Variants in SYN2 observed in about 807,000 individuals in gnomAD.
SYN2 encodes synapsin II, also known as synapsin-2.
A neutral mutation model predicts 50.9 loss-of-function variants in SYN2; 19 were observed. The observed-to-expected ratio is 0.37, with a 90% CI of 0.26 to 0.55. The LOEUF is 0.55. SYN2 is among the 20% of genes least tolerant of loss of function. SYN2 has a pLI of 0.81. For synonymous variants in SYN2, 255 were observed against 224.9 expected (o/e 1.13, Z -1.20); for missense variants, 587 against 576.4 (o/e 1.02, Z -0.19).
intron 1 of SYN2, among the ~76,000 whole-genome samples, chr3:12,006,624 CTGTTTG>C (rs2125128062): frequency 6.6e-6 from 1 of 152,302 alleles, no homozygotes; most frequent in Non-Finnish European, 1.5e-5. Flanking sequence ...GAACTTAGGC[CTGTTTG>C]ACTCCACTGC....
chr3:12,176,414 T>G (rs1235994872), intron 10 of SYN2, among the ~76,000 whole-genome samples: 1 of 152,254 alleles, frequency 6.6e-6, no homozygotes, highest in Admixed American at 6.5e-5. Flanking sequence ...TTTCAGACAC[T>G]GACGGGCTGA....
chr3:12,083,131 C>T (rs1695616262), intron 1 of SYN2, among the ~76,000 whole-genome samples: 1 of 152,172 alleles, frequency 6.6e-6, no homozygotes, highest in Admixed American at 6.5e-5. Flanking sequence ...CCTGCCTCAG[C>T]CTCCTGAGTA....
intron 1 of SYN2, among the ~76,000 whole-genome samples, chr3:12,005,355 G>A (rs894183105): frequency 3.3e-5 from 5 of 152,078 alleles, no homozygotes; most frequent in African/African-American, 1.2e-4. Flanking sequence ...AGCACGGAGT[G>A]AATTTGGAAT....
rs773944004 is a variant in SYN2 at position 12,145,829 on chromosome 3, A to G, written c.678A>G (p.Pro226=). Residue 226 remains proline (P), a synonymous_variant, in exon 4 of 13, where the codon CCA becomes CCG. Transcript: ENST00000621198. ...LESIYNFCDK[P]WVFAQLVAIY... ...CCATATACAACTTCTGTGACAAGCCATGGGTGGTGAGTGAGGCCCCCTTCC... is the reference window on the plus strand; with the variant it reads ...CCATATACAACTTCTGTGACAAGCCGTGGGTGGTGAGTGAGGCCCCCTTCC... 2.5e-5 allele frequency: 41 copies of G among 1,613,772 alleles called. No homozygotes were observed. Among genetic ancestry groups the G allele is most frequent in the South Asian group, 4.4e-5 (4 of 91,080 alleles).
At chr3:12,145,201 A>C (rs1016786070) in intron 3 of SYN2, among the ~76,000 whole-genome samples, 1 of 152,218 alleles carries the variant, frequency 6.6e-6, no homozygotes, top group African/African-American at 2.4e-5. Context: ...TAGGAGTTTG[A>C]GATCAGCCTG....
chr3:12,174,043 C>T (rs1185257289), intron 10 of SYN2, among the ~76,000 whole-genome samples: 1 of 152,162 alleles, frequency 6.6e-6, no homozygotes, highest in Non-Finnish European at 1.5e-5. Flanking sequence ...TGAGGCCCCC[C>T]CGCCCATCGC....
At chr3:12,189,080 CAG>C (rs1018764938) in intron 12 of SYN2, among the ~76,000 whole-genome samples, 14 of 152,288 alleles carry the variant, frequency 9.2e-5, no homozygotes, top group African/African-American at 3.1e-4. Flanking sequence ...TCACTGCAGG[CAG>C]AGAGAGACTG....
intron 1 of SYN2, among the ~76,000 whole-genome samples, chr3:12,060,130 G>T (rs1695082485): frequency 6.6e-6 from 1 of 152,162 alleles, no homozygotes; most frequent in Non-Finnish European, 1.5e-5. Flanking sequence ...ACACTTCAAT[G>T]GTAATTTTGA....
At chr3:12,062,466 C>T (rs535544752) in intron 1 of SYN2, among the ~76,000 whole-genome samples, 1 of 151,826 alleles carries the variant, frequency 6.6e-6, no homozygotes, top group East Asian at 1.9e-4. Context: ...AGATACAGCA[C>T]CAAAAACATA....
intron 1 of SYN2, among the ~76,000 whole-genome samples, chr3:12,076,705 A>C (rs1048436867): frequency 5.3e-5 from 8 of 152,112 alleles, no homozygotes; most frequent in East Asian, 1.9e-4. Flanking sequence ...CACCAAAGCT[A>C]AGAAAGGTTA....
intron 5 of SYN2, chr3:12,159,185 C>CAA (rs1697565699): frequency 3.4e-6 from 1 of 294,946 alleles, no homozygotes; most frequent in African/African-American, 2.2e-5. Flanking sequence ...GCCACAAAGA[C>CAA]AAATGCATGA....
In SYN2 at chr3:12,173,560, C is replaced by G. The variant is rs61389214; in HGVS notation, c.1308+3654C>G. 9.9e-5 allele frequency among the ~76,000 whole-genome samples: 15 copies of G among 152,264 alleles called. 1 individual carries two copies. The East Asian group carries it at 2.7e-3, about 27-fold the overall frequency. On this transcript the variant is annotated intron_variant, in intron 10 of 12. Coordinates refer to ENST00000621198, the MANE Select transcript of SYN2 (RefSeq NM_133625.6). ...CCGTCTCCCTTTTACCACATTTTCT[C>G]TCCTATCCTCTCTAGTCAGCATCCC...
chr3:12,183,988 A>C (rs531660178), intron 11 of SYN2: 9 of 986,242 alleles, frequency 9.1e-6, no homozygotes, highest in Non-Finnish European at 1.1e-5. Context: ...TTCAAGATCA[A>C]ACTTCCATAG....
At chr3:12,178,608 C>T (rs1030604133) in intron 10 of SYN2, among the ~76,000 whole-genome samples, 7 of 152,330 alleles carry the variant, frequency 4.6e-5, no homozygotes, top group African/African-American at 1.7e-4. Flanking sequence ...ATTCCCTGCA[C>T]ATGAAACTGC....
intron 1 of SYN2, among the ~76,000 whole-genome samples, chr3:12,073,690 T>G (rs1330335049): frequency 6.6e-6 from 1 of 152,204 alleles, no homozygotes; most frequent in Non-Finnish European, 1.5e-5. Context: ...TTTTTGCTAT[T>G]GGTTTGTAAT....
chr3:12,038,193 G>T (rs1694541161), intron 1 of SYN2, among the ~76,000 whole-genome samples: 1 of 151,982 alleles, frequency 6.6e-6, no homozygotes, highest in South Asian at 2.1e-4. Context: ...TGACACCCTT[G>T]TCAAAATCAA....
chr3:12,015,459 A>C (rs1025214324), intron 1 of SYN2, among the ~76,000 whole-genome samples: 11 of 152,232 alleles, frequency 7.2e-5, no homozygotes, highest in African/African-American at 2.7e-4. Context: ...AAAAATTATG[A>C]AAATATCAAT....
At chr3:12,063,274 A>G (rs1695150596) in intron 1 of SYN2, among the ~76,000 whole-genome samples, 2 of 152,082 alleles carry the variant, frequency 1.3e-5, no homozygotes, top group African/African-American at 4.8e-5. Context: ...GATAGAATGC[A>G]GAATGTGATA....
At chr3:12,058,692 G>A (rs902890008) in intron 1 of SYN2, among the ~76,000 whole-genome samples, 13 of 152,184 alleles carry the variant, frequency 8.5e-5, no homozygotes, top group African/African-American at 3.1e-4. Context: ...AACCCAGAAA[G>A]GGAGCATGGG....
Sources: gnomAD v4.1 joint callset for allele counts (sites outside exome capture counted in the v4.1 genomes callset) on GRCh38, gnomAD v4.1.1 for gene constraint, MANE v1.5 for transcripts, NCBI Gene and HGNC (gene_info 2026-07-23, HGNC 2026-07-21) for gene names.